FBXO25: variants seen among roughly 807,000 people sequenced by gnomAD.
FBXO25 encodes the protein F-box protein 25.
Under a neutral mutation model 51.9 loss-of-function variants are expected in FBXO25, and 45 were observed. The observed-to-expected ratio is 0.87, with a 90% confidence interval of 0.68 to 1.11. The LOEUF (loss-of-function observed/expected upper bound fraction) is 1.11. Among genes scored for constraint, FBXO25 ranks in the 50% most tolerant of loss-of-function variants. The pLI, the probability that FBXO25 is intolerant of heterozygous loss-of-function variation, is 0.00. For synonymous variants in FBXO25, 199 were observed against 151.0 expected, an observed-to-expected ratio of 1.32 and a Z score of -2.33; for missense variants, 507 against 428.5, an observed-to-expected ratio of 1.18 and a Z score of -1.62.
intron 2 of FBXO25, among the ~76,000 whole-genome samples, chr8:421,493 C>G (rs1797152795): frequency 6.6e-6 from 1 of 152,146 alleles, no homozygotes; most frequent in African/African-American, 2.4e-5. Flanking sequence ...TTAGCAATCT[C>G]AAAACTGTAC....
chr8:419,694 A>G (rs1797035053), intron 2 of FBXO25, among the ~76,000 whole-genome samples: 2 of 152,242 alleles, frequency 1.3e-5, no homozygotes, highest in Non-Finnish European at 1.5e-5. Context: ...TGTAGAATGT[A>G]AAACTGTAGA....
In FBXO25 at chr8:435,668, T is replaced by C. The variant is rs1225037767; in HGVS notation, c.342T>C (p.Ser114=). The change falls in exon 5 of 10, where the codon AGT becomes AGC. Residue 114 remains serine (S), a synonymous_variant. Coordinates refer to ENST00000350302, the MANE Select transcript of FBXO25 (RefSeq NM_183420.2). ...GEAFNRLDFS[S]AIQDIRRFNY... is the part of the protein sequence containing the mutation. ...CCTTTAATCGGTTAGACTTCTCAAG[T>C]GCAATTCAAGATATCCGAAGGTTCA... 1.2e-6 allele frequency: 2 copies of C among 1,601,838 alleles called. No homozygotes were observed. The highest frequency in any genetic ancestry group is 2.7e-5 in the African/African-American group (2 of 74,246).
chr8:476,088 CA>C lies in FBXO25; in HGVS notation c.*7285del, dbSNP rs1177922158. 9 of 152,142 alleles carry C rather than the reference CA, an allele frequency of 5.9e-5. No individual in the cohort carries two copies. Among genetic ancestry groups the C allele is most frequent in the Non-Finnish European group, 8.8e-5 (6 of 68,016 alleles). The allele number at this position is 152,142 out of a possible 1,614,324, so 9.4% of individuals were successfully genotyped here. The stretch of plus-strand genomic sequence containing the variant: ...GAGTTTTTATCATGAAAGGGCATGA[CA>C]TTGTCTCAAATGCTTTTTCTCCATC... On this transcript the variant is annotated 3_prime_UTR_variant, in exon 10 of 10. Coordinates refer to ENST00000350302, the MANE Select transcript of FBXO25 (RefSeq NM_183420.2).
chr8:424,360 T>C (rs1289084142), intron 2 of FBXO25, among the ~76,000 whole-genome samples: 2 of 152,200 alleles, frequency 1.3e-5, no homozygotes, highest in African/African-American at 2.4e-5. Context: ...AGAAGCTCTT[T>C]CATTTAATTA....
Position 444,393 on chromosome 8 carries a change from C to T in FBXO25, c.382-5597C>T, listed in dbSNP as rs548722463. On this transcript the variant is annotated intron_variant, in intron 5 of 9. Transcript: ENST00000350302. ...GATCCAAGGGTGTTCAGGAGTGGAC[C>T]TCGAATTTCAAATAGCTGTGATTTT... Among the ~76,000 whole-genome samples the T allele has an allele frequency of 3.7e-3, 569 of 152,246 alleles. 3 individuals carry two copies. The highest frequency in any genetic ancestry group is 0.013 in the African/African-American group (534 of 41,558).
At chr8:439,202 C>G (rs192246699) in intron 5 of FBXO25, among the ~76,000 whole-genome samples, 1 of 152,108 alleles carries the variant, frequency 6.6e-6, no homozygotes, top group Non-Finnish European at 1.5e-5. Flanking sequence ...CCTTGGAGTC[C>G]TGGGCTTGCT....
chr8:460,775 C>A (rs920410890), intron 8 of FBXO25, among the ~76,000 whole-genome samples: 3 of 152,194 alleles, frequency 2.0e-5, no homozygotes, highest in African/African-American at 7.2e-5. Context: ...ACAGTACCTG[C>A]CTGGAGGACA....
intron 1 of FBXO25, among the ~76,000 whole-genome samples, chr8:411,635 G>C (rs1796488958): frequency 1.3e-5 from 2 of 152,058 alleles, no homozygotes. Flanking sequence ...AATGGAATAC[G>C]GACCTGAACA....
rs928650397 is a variant in FBXO25, at chr8:476,790, A to T, written c.*7986A>T. The T allele has an allele frequency of 3.6e-4, 55 of 150,992 alleles. No homozygotes were observed. The highest frequency in any genetic ancestry group is 1.2e-3 in the African/African-American group (49 of 40,782). 9.4% of individuals were successfully genotyped at this position (150,992 alleles called of 1,614,324 possible). ...TTTCTCTATTGCTTTTCTGTTCTCTATTTTGTCTCTGCTCTAATCTTTATT... is the reference window on the plus strand; with the variant it reads ...TTTCTCTATTGCTTTTCTGTTCTCTTTTTTGTCTCTGCTCTAATCTTTATT... On this transcript the variant is annotated 3_prime_UTR_variant, in exon 10 of 10. Coordinates refer to ENST00000350302, the MANE Select transcript of FBXO25 (RefSeq NM_183420.2).
At chr8:413,741 G>A (rs1331524640) in intron 2 of FBXO25, among the ~76,000 whole-genome samples, 2 of 152,222 alleles carry the variant, frequency 1.3e-5, no homozygotes, top group African/African-American at 4.8e-5. Flanking sequence ...GGTAGGTGGG[G>A]TTGGTGAGAC....
At position 475,351 on chromosome 8, in the gene FBXO25, C is replaced by G. The variant is rs114458983; in HGVS notation, c.*6547C>G. ...ACCATTTTGATTATTGTAGCTTTGT[C>G]GTAAGTTATGAAATAAGGAAGTGAG... On this transcript the variant is annotated 3_prime_UTR_variant, in exon 10 of 10. Coordinates refer to ENST00000350302, the MANE Select transcript of FBXO25 (RefSeq NM_183420.2). The G allele has an allele frequency of 5.0e-3, 793 of 158,572 alleles. 11 individuals are homozygous for G. Among genetic ancestry groups the G allele is most frequent in the African/African-American group, 0.017 (725 of 41,484 alleles). 9.8% of individuals were successfully genotyped at this position (158,572 alleles called of 1,614,324 possible). A position where few individuals can be genotyped will look rare whatever the true frequency, so the allele number is the denominator to read the frequency against.
At chr8:454,017 G>A (rs1447819517) in intron 7 of FBXO25, among the ~76,000 whole-genome samples, 4 of 152,086 alleles carry the variant, frequency 2.6e-5, no homozygotes, top group African/African-American at 2.4e-5. Flanking sequence ...ACAGCTACTC[G>A]GGAGGCTAAG....
At chr8:421,320 C>T (rs1797139507) in intron 2 of FBXO25, among the ~76,000 whole-genome samples, 1 of 152,154 alleles carries the variant, frequency 6.6e-6, no homozygotes, top group Non-Finnish European at 1.5e-5. Context: ...AGAAATTGGT[C>T]CTTGGTGCCA....
intron 2 of FBXO25, among the ~76,000 whole-genome samples, chr8:417,579 C>T (rs1202311777): frequency 6.6e-6 from 1 of 152,204 alleles, no homozygotes; most frequent in East Asian, 1.9e-4. Context: ...CCTTGTCTTG[C>T]ACAGGGTCCT....
intron 2 of FBXO25, among the ~76,000 whole-genome samples, chr8:421,013 A>C (rs1797120842): frequency 6.6e-6 from 1 of 152,252 alleles, no homozygotes; most frequent in South Asian, 2.1e-4. Context: ...AGGGGTCCCC[A>C]ACCCCTAGGC....
At chr8:438,121 C>G (rs1331420568) in intron 5 of FBXO25, among the ~76,000 whole-genome samples, 1 of 151,174 alleles carries the variant, frequency 6.6e-6, no homozygotes, top group Non-Finnish European at 1.5e-5. Flanking sequence ...GTGGCACGAT[C>G]TCTGCTCACT....
At chr8:466,487 G>T (rs1800168757) in intron 9 of FBXO25, among the ~76,000 whole-genome samples, 1 of 152,196 alleles carries the variant, frequency 6.6e-6, no homozygotes, top group Admixed American at 6.5e-5. Flanking sequence ...TGTTTGTTTA[G>T]CATCCCAGTA....
chr8:474,823 A>G lies in FBXO25; in HGVS notation c.*6019A>G, dbSNP rs1430559203. On this transcript the variant is annotated 3_prime_UTR_variant, in exon 10 of 10. Coordinates refer to ENST00000350302, the MANE Select transcript of FBXO25 (RefSeq NM_183420.2). ...TTCACTCTGTTTTGTTCTTTGATGT[A>G]CAGAAGTTGTTTCTTTCTTTTAGTT... The G allele has an allele frequency of 4.7e-6, 2 of 426,470 alleles. No individual in the cohort carries two copies. Among genetic ancestry groups the G allele is most frequent in the South Asian group, 1.7e-5 (1 of 58,290 alleles). The allele number at this position is 426,470 out of a possible 1,614,324, so 26.4% of individuals were successfully genotyped here. A position where few individuals can be genotyped will look rare whatever the true frequency, so the allele number is the denominator to read the frequency against.
Position 474,301 on chromosome 8 carries a change from A to AT in FBXO25, c.*5499dup, listed in dbSNP as rs1388103668. The AT allele has an allele frequency of 4.4e-5, 8 of 181,788 alleles. No homozygotes were observed. Among genetic ancestry groups the AT allele is most frequent in the African/African-American group, 1.7e-4 (7 of 41,714 alleles). The allele number at this position is 181,788 out of a possible 1,614,324, so 11.3% of individuals were successfully genotyped here. On this transcript the variant is annotated 3_prime_UTR_variant, in exon 10 of 10. Coordinates refer to ENST00000350302, the MANE Select transcript of FBXO25 (RefSeq NM_183420.2). ...ATGTCAAGATTTCTTTTTAAGGCTGATTCTATGGATGGACCACATTTTGTT... is the reference window on the plus strand; with the variant it reads ...ATGTCAAGATTTCTTTTTAAGGCTGATTTCTATGGATGGACCACATTTTGTT...
Sources: gnomAD v4.1 joint callset for allele counts (sites outside exome capture counted in the v4.1 genomes callset) on GRCh38, gnomAD v4.1.1 for gene constraint, MANE v1.5 for transcripts, NCBI Gene and HGNC (gene_info 2026-07-23, HGNC 2026-07-21) for gene names.